DOCK11: variants seen among roughly 807,000 people sequenced by gnomAD.
DOCK11 encodes dedicator of cytokinesis 11.
In DOCK11, 70 loss-of-function variants were observed where a neutral mutation model predicts 169.1. That is an observed-to-expected ratio of 0.41 (90% CI 0.34 to 0.51). The LOEUF (loss-of-function observed/expected upper bound fraction) is 0.51. Among genes scored for constraint, DOCK11 ranks in the 20% least tolerant of loss-of-function variants. The pLI, the probability that DOCK11 is intolerant of heterozygous loss-of-function variation, is 0.10. For missense variants in DOCK11, 1,166 were observed against 1,538.8 expected, an observed-to-expected ratio of 0.76 and a Z score of 4.05; for synonymous variants, 529 against 541.3, an observed-to-expected ratio of 0.98 and a Z score of 0.32.
chrX:118,552,052 AG>A (rs1556277310), intron 6 of DOCK11, among the ~76,000 whole-genome samples: 1 of 105,986 alleles, frequency 9.4e-6, no homozygotes, highest in Admixed American at 1.0e-4. Flanking sequence ...AAAAAAAAAA[AG>A]GGAGGGAGGG....
At chrX:118,552,325 C>T (rs979850532) in intron 6 of DOCK11, among the ~76,000 whole-genome samples, 5 of 111,607 alleles carry the variant, frequency 4.5e-5, no homozygotes, top group African/African-American at 1.6e-4. Flanking sequence ...TTTGCAAGAA[C>T]ATTCAAGTCG....
At chrX:118,511,020 A>G (rs894465444) in intron 1 of DOCK11, among the ~76,000 whole-genome samples, 3 of 112,371 alleles carry the variant, frequency 2.7e-5, no homozygotes, top group Non-Finnish European at 1.9e-5. Flanking sequence ...ACTGGCCAGT[A>G]TGATGTCCAT....
chrX:118,576,718 T>C (rs2013461653), intron 12 of DOCK11, among the ~76,000 whole-genome samples: 2 of 112,581 alleles, frequency 1.8e-5, no homozygotes, highest in Admixed American at 9.4e-5. Context: ...CAAGCTTTTA[T>C]CAATTATCAA....
At chrX:118,653,461 G>A (rs1345747305) in intron 42 of DOCK11, among the ~76,000 whole-genome samples, 3 of 111,306 alleles carry the variant, frequency 2.7e-5, no homozygotes, top group Non-Finnish European at 5.7e-5. Context: ...TGCCCAGGCT[G>A]GAGTGCAATG....
At chrX:118,534,026 A>C (rs1189353855) in intron 1 of DOCK11, among the ~76,000 whole-genome samples, 7 of 112,459 alleles carry the variant, frequency 6.2e-5, no homozygotes, top group Non-Finnish European at 7.5e-5. Flanking sequence ...TGTACTAAAG[A>C]ATAGAAAAAA....
Position 118,599,153 on chromosome X carries a change from CA to C in DOCK11, c.2490del (p.Lys830AsnfsTer8). Reference protein sequence around the residue: ...TIYTQDLHVHKFFHHCQLIQS... With the variant: ...TIYTQDLHVHXFFHHCQLIQS... The stretch of plus-strand genomic sequence containing the variant: ...CTGTGTTCCAGGATCTGCATGTGCA[CA>C]AATTCTTCCATCATTGCCAGCTGAT... On this transcript the variant is annotated frameshift_variant, in exon 23 of 53. Coordinates refer to ENST00000276202, the MANE Select transcript of DOCK11 (RefSeq NM_144658.4). LOFTEE classifies it high-confidence loss of function. 8.3e-7 allele frequency: 1 copy of C among 1,209,958 alleles called. No individual in the cohort carries two copies. The highest frequency in any genetic ancestry group is 1.1e-6 in the Non-Finnish European group (1 of 894,234).
chrX:118,596,102 G>T (rs1280114362), intron 20 of DOCK11, among the ~76,000 whole-genome samples: 1 of 112,372 alleles, frequency 8.9e-6, no homozygotes, highest in African/African-American at 3.2e-5. Flanking sequence ...ATTTAAAAAT[G>T]TTGCTTAAGA....
chrX:118,674,193 G>C (rs1299049731), intron 46 of DOCK11, among the ~76,000 whole-genome samples: 4 of 110,950 alleles, frequency 3.6e-5, no homozygotes, highest in African/African-American at 1.3e-4. Flanking sequence ...CTCTGTCATC[G>C]AGGTTGGAGT....
At chrX:118,577,976 G>A (rs1181553750) in intron 12 of DOCK11, among the ~76,000 whole-genome samples, 1 of 111,867 alleles carries the variant, frequency 8.9e-6, no homozygotes, top group African/African-American at 3.3e-5. Flanking sequence ...AATTTTGGTT[G>A]CATCTACATT....
At chrX:118,679,793 T>C (rs2016695135) in intron 48 of DOCK11, among the ~76,000 whole-genome samples, 1 of 110,324 alleles carries the variant, frequency 9.1e-6, no homozygotes. Flanking sequence ...GTAATTCACA[T>C]AATGCACAAT....
intron 45 of DOCK11, among the ~76,000 whole-genome samples, chrX:118,668,876 A>T (rs1443722836): frequency 5.4e-5 from 6 of 111,772 alleles, no homozygotes; most frequent in Non-Finnish European, 1.9e-5. Flanking sequence ...CTGAACAAAG[A>T]CATAAAGCTA....
intron 1 of DOCK11, among the ~76,000 whole-genome samples, chrX:118,497,007 C>T (rs745354345): frequency 2.7e-5 from 3 of 112,349 alleles, no homozygotes; most frequent in Non-Finnish European, 5.6e-5. Context: ...GGCACTTGCC[C>T]CTTCTCTTGT....
intron 6 of DOCK11, among the ~76,000 whole-genome samples, chrX:118,548,273 C>A (rs2012358906): frequency 8.9e-6 from 1 of 111,962 alleles, no homozygotes; most frequent in Admixed American, 9.5e-5. Flanking sequence ...ATATTATAAG[C>A]CAAAAAGCAC....
intron 19 of DOCK11, 138 bp downstream of exon 19, chrX:118,590,440 A>G: frequency 1.9e-6 from 1 of 518,744 alleles, no homozygotes; most frequent in Middle Eastern, 5.8e-4. Context: ...TTACAACAAA[A>G]CAGAGTGTTA....
intron 6 of DOCK11, among the ~76,000 whole-genome samples, chrX:118,547,555 TG>T (rs2012330873): frequency 8.9e-6 from 1 of 112,367 alleles, no homozygotes; most frequent in Non-Finnish European, 1.9e-5. Flanking sequence ...TTAATTCTCA[TG>T]GCTGCCCTAT....
chrX:118,498,959 G>A (rs2057555799), intron 1 of DOCK11, among the ~76,000 whole-genome samples: 1 of 111,309 alleles, frequency 9.0e-6, no homozygotes, highest in Admixed American at 9.6e-5. Flanking sequence ...AGCAGACAGA[G>A]AGACTGTTCC....
intron 1 of DOCK11, among the ~76,000 whole-genome samples, chrX:118,517,227 A>G (rs2057695931): frequency 9.2e-6 from 1 of 108,849 alleles, no homozygotes; most frequent in Non-Finnish European, 1.9e-5. Context: ...TAAAAAAAAT[A>G]ATAAAATTAG....
chrX:118,573,763 C>A, intron 11 of DOCK11, 43 bp from the exon 12 acceptor site: 3 of 1,109,838 alleles, frequency 2.7e-6, no homozygotes, highest in Middle Eastern at 3.4e-4. Context: ...GCCATGCCCC[C>A]ACTAAAGTCT....
intron 1 of DOCK11, among the ~76,000 whole-genome samples, chrX:118,536,920 G>A (rs181430192): frequency 9.0e-6 from 1 of 111,498 alleles, no homozygotes; most frequent in East Asian, 2.8e-4. Flanking sequence ...ATGCTCTCTA[G>A]AGAAAGCACT....
Sources: allele counts gnomAD v4.1 joint callset (sites outside exome capture counted in the v4.1 genomes callset), GRCh38; gene constraint gnomAD v4.1.1; transcripts MANE v1.5; gene names NCBI Gene and HGNC (gene_info 2026-07-23, HGNC 2026-07-21).